The following STXBP4 variants were observed in gnomAD, a reference collection of about 807,000 sequenced individuals.
The protein encoded by STXBP4 is syntaxin-binding protein 4.
Under a neutral mutation model 76.1 loss-of-function variants are expected in STXBP4, and 55 were observed. The observed-to-expected ratio is 0.72, with a 90% CI of 0.58 to 0.91. The LOEUF is 0.91. Ranked by LOEUF, STXBP4 falls within the 40% of genes least tolerant of loss-of-function variation. STXBP4 has a pLI of 0.00. For synonymous variants in STXBP4, 201 were observed against 220.2 expected (o/e 0.91, Z 0.77); for missense variants, 618 against 636.9 (o/e 0.97, Z 0.32).
At chr17:54,990,719 G>T in intron 3 of STXBP4, 106 bp from the exon 4 acceptor site, 2 of 1,341,022 alleles carry the variant, frequency 1.5e-6, no homozygotes, top group Non-Finnish European at 1.0e-6. Context: ...AAAAGGTGAG[G>T]GGTTGCTGCT....
rs576151694 is a variant in STXBP4 at position 54,997,113 on chromosome 17, C to CAT, written c.181-2228_181-2227dup. ...CATATCTCTGAAGTTAGTATCTTCA[C>CAT]ATATACATTAATCCATCTGGGGCAG... On this transcript the variant is annotated intron_variant, in intron 4 of 17. Coordinates refer to ENST00000376352, the MANE Select transcript of STXBP4 (RefSeq NM_178509.6). Among the ~76,000 whole-genome samples, 81 of 152,270 alleles carry CAT rather than the reference C, an allele frequency of 5.3e-4. 1 individual carries two copies. In the Middle Eastern group the frequency reaches 0.01, roughly 19 times the overall value.
At chr17:54,983,950 G>C (rs1194723378) in intron 1 of STXBP4, among the ~76,000 whole-genome samples, 2 of 152,066 alleles carry the variant, frequency 1.3e-5, no homozygotes, top group Non-Finnish European at 2.9e-5. Context: ...TTTCCTCATG[G>C]GTACTGAATA....
chr17:55,178,360 G>A (rs563789858), downstream of STXBP4, among the ~76,000 whole-genome samples: 1 of 152,140 alleles, frequency 6.6e-6, no homozygotes, highest in South Asian at 2.1e-4. Context: ...AAGCCACATG[G>A]CATGTGGTTT....
At chr17:55,129,539 G>A (rs1243977166) in intron 16 of STXBP4, among the ~76,000 whole-genome samples, 5 of 151,952 alleles carry the variant, frequency 3.3e-5, no homozygotes. Context: ...TCCAGCCTGG[G>A]CAACACAGGG....
At chr17:55,055,556 G>T (rs2078912561) in intron 12 of STXBP4, among the ~76,000 whole-genome samples, 1 of 152,080 alleles carries the variant, frequency 6.6e-6, no homozygotes, top group South Asian at 2.1e-4. Context: ...CAGAAATATT[G>T]TTTTAAAACT....
At chr17:55,066,430 G>T (rs2079052320) in intron 12 of STXBP4, among the ~76,000 whole-genome samples, 1 of 152,040 alleles carries the variant, frequency 6.6e-6, no homozygotes, top group Admixed American at 6.6e-5. Flanking sequence ...CACCATATTA[G>T]CTATGCTGAT....
intron 11 of STXBP4, chr17:55,043,533 A>T: frequency 3.2e-6 from 4 of 1,240,028 alleles, no homozygotes; most frequent in Non-Finnish European, 4.5e-6. Context: ...ATATCTGTGC[A>T]ACATTTAGTG....
the STXBP4 span, among the ~76,000 whole-genome samples, chr17:55,200,887 T>C: frequency 6.6e-6 from 1 of 152,188 alleles, no homozygotes; most frequent in Non-Finnish European, 1.5e-5. Flanking sequence ...ACAAAGACAA[T>C]GGAAGAGGTG....
chr17:55,207,393 A>G, the STXBP4 span, among the ~76,000 whole-genome samples: 1 of 152,066 alleles, frequency 6.6e-6, no homozygotes, highest in Non-Finnish European at 1.5e-5. Context: ...TGAGCTTCCA[A>G]TACCCCAGCT....
the STXBP4 span, among the ~76,000 whole-genome samples, chr17:55,183,087 A>G: frequency 1.3e-5 from 2 of 152,234 alleles, no homozygotes; most frequent in Admixed American, 1.3e-4. Context: ...ATATCTCTAA[A>G]CCTATTGATA....
At chr17:55,121,603 G>A (rs1489071853) in intron 16 of STXBP4, among the ~76,000 whole-genome samples, 4 of 152,028 alleles carry the variant, frequency 2.6e-5, no homozygotes, top group Non-Finnish European at 5.9e-5. Flanking sequence ...CTCTTCTGTT[G>A]TCTTTTTGTT....
the STXBP4 span, among the ~76,000 whole-genome samples, chr17:55,184,486 A>G: frequency 2.6e-5 from 4 of 152,198 alleles, no homozygotes; most frequent in Non-Finnish European, 1.5e-5. Context: ...CTCCAAGGTA[A>G]CCAGTATCCT....
chr17:55,000,962 A>G, intron 7 of STXBP4, 79 bp downstream of exon 7: 1 of 946,464 alleles, frequency 1.1e-6, no homozygotes, highest in South Asian at 1.6e-5. Flanking sequence ...GTGACTTAAG[A>G]CTTTGAAGAA....
chr17:55,180,969 AT>A, the STXBP4 span, among the ~76,000 whole-genome samples: 1 of 152,148 alleles, frequency 6.6e-6, no homozygotes, highest in African/African-American at 2.4e-5. Flanking sequence ...AAAACAATCC[AT>A]TTTTTACTTT....
At chr17:55,150,028 G>A (rs1004207356) in intron 17 of STXBP4, among the ~76,000 whole-genome samples, 2 of 152,078 alleles carry the variant, frequency 1.3e-5, no homozygotes, top group African/African-American at 4.8e-5. Flanking sequence ...GTTTCATAAA[G>A]TACTTTGAAA....
At chr17:54,996,496 C>T (rs1411451409) in intron 4 of STXBP4, among the ~76,000 whole-genome samples, 1 of 151,958 alleles carries the variant, frequency 6.6e-6, no homozygotes, top group Non-Finnish European at 1.5e-5. Context: ...AATTTGCTAT[C>T]AGTATGAAAA....
intron 7 of STXBP4, among the ~76,000 whole-genome samples, chr17:55,003,128 CAGG>C (rs1195684179): frequency 1.3e-5 from 2 of 152,036 alleles, no homozygotes; most frequent in East Asian, 1.9e-4. Flanking sequence ...TAACTGAACA[CAGG>C]AGATCGTTTC....
chr17:55,212,988 T>C, the STXBP4 span, among the ~76,000 whole-genome samples: 1 of 152,130 alleles, frequency 6.6e-6, no homozygotes, highest in Non-Finnish European at 1.5e-5. Flanking sequence ...CAAGTGAAAG[T>C]AGCTCCACTG....
At chr17:54,972,874 G>A (rs1248062336) in intron 1 of STXBP4, among the ~76,000 whole-genome samples, 1 of 152,174 alleles carries the variant, frequency 6.6e-6, no homozygotes, top group Non-Finnish European at 1.5e-5. Flanking sequence ...CCATATGTAA[G>A]CAAATTACTG....
Sources: allele counts gnomAD v4.1 joint callset (sites outside exome capture counted in the v4.1 genomes callset), GRCh38; gene constraint gnomAD v4.1.1; transcripts MANE v1.5; gene names NCBI Gene and HGNC (gene_info 2026-07-23, HGNC 2026-07-21).